PIGK: variants seen among roughly 807,000 people sequenced by gnomAD.
PIGK encodes phosphatidylinositol glycan anchor biosynthesis class K.
In PIGK, 42 loss-of-function variants were observed where a neutral mutation model predicts 50.6. The observed-to-expected ratio is 0.83, with a 90% CI of 0.65 to 1.07. The LOEUF (loss-of-function observed/expected upper bound fraction) is 1.07, where lower values mean the gene tolerates loss of function less well. Among genes scored for constraint, PIGK ranks in the 50% least tolerant of loss-of-function variants. PIGK has a pLI of 0.00. For synonymous variants in PIGK, 151 were observed against 156.0 expected, an observed-to-expected ratio of 0.97 and a Z score of 0.24; for missense variants, 448 against 488.7, an observed-to-expected ratio of 0.92 and a Z score of 0.78.
Position 77,154,485 on chromosome 1 carries a change from A to G in PIGK, c.950T>C (p.Ile317Thr). The change falls in exon 9 of 11, where the codon ATT becomes ACT. Residue 317 changes from isoleucine to threonine, a missense_variant. Transcript: ENST00000370812. The part of the protein sequence containing the change: ...VRKVEITTET[I>T]KLQQDSEIME... The stretch of plus-strand genomic sequence containing the variant: ...GATTTCTGAATCCTGTTGCAATTTA[A>G]TAGTCTCTGTTGTAATTTCCACTTT... The G allele has an allele frequency of 1.2e-6, 2 of 1,611,670 alleles. No homozygotes were observed. Among genetic ancestry groups the G allele is most frequent in the Non-Finnish European group, 1.7e-6 (2 of 1,178,476 alleles).
chr1:77,155,830 G>T lies in PIGK; in HGVS notation c.814-1209C>A, dbSNP rs1461329034. Reference sequence around the variant, plus strand: ...GCAATCACCAATATGAAGGCAGAAAGGTGGAGAAGGGTAGAGCGGCTACAA... The same window carrying T: ...GCAATCACCAATATGAAGGCAGAAATGTGGAGAAGGGTAGAGCGGCTACAA... On this transcript the variant is annotated intron_variant, in intron 8 of 10. Transcript: ENST00000370812. 2.0e-5 allele frequency among the ~76,000 whole-genome samples: 3 copies of T among 152,148 alleles called. No homozygotes were observed. In the East Asian group the frequency reaches 5.8e-4, roughly 29 times the overall value.
chr1:77,116,340 C>A (rs528711510), intron 10 of PIGK, among the ~76,000 whole-genome samples: 4 of 152,090 alleles, frequency 2.6e-5, no homozygotes, highest in South Asian at 4.2e-4. Context: ...CCCACCACCA[C>A]GCCCGGCTAA....
At chr1:77,191,741 A>T (rs1375749587) in intron 3 of PIGK, among the ~76,000 whole-genome samples, 1 of 152,182 alleles carries the variant, frequency 6.6e-6, no homozygotes, top group East Asian at 1.9e-4. Context: ...ATCTTTTGGC[A>T]ATGGCCAGGC....
chr1:77,185,855 C>A (rs1655726410), intron 3 of PIGK, among the ~76,000 whole-genome samples: 1 of 152,230 alleles, frequency 6.6e-6, no homozygotes, highest in African/African-American at 2.4e-5. Context: ...TGGAGCAAGG[C>A]CCTGCCATCT....
At position 77,137,097 on chromosome 1, in the gene PIGK, T is replaced by C. The variant is rs560906590; in HGVS notation, c.987-14738A>G. On this transcript the variant is annotated intron_variant, in intron 9 of 10. Transcript: ENST00000370812. The stretch of plus-strand genomic sequence containing the variant: ...TCTGCACAATAGGATGCAGCAAGAA[T>C]AACAGGGCTCCAGTTTCAAATCTAG... Among the ~76,000 whole-genome samples, 158 of 152,324 alleles carry C rather than the reference T, an allele frequency of 1.0e-3. 1 individual carries two copies. Among genetic ancestry groups the C allele is most frequent in the African/African-American group, 3.6e-3 (149 of 41,582 alleles).
intron 10 of PIGK, among the ~76,000 whole-genome samples, chr1:77,110,692 A>G (rs1653820217): frequency 6.6e-6 from 1 of 152,232 alleles, no homozygotes. Flanking sequence ...TTCAGGACAT[A>G]GGCATGGGCA....
chr1:77,125,121 C>T (rs577091124), intron 9 of PIGK, among the ~76,000 whole-genome samples: 1 of 152,246 alleles, frequency 6.6e-6, no homozygotes, highest in South Asian at 2.1e-4. Flanking sequence ...ATTTTTTTCT[C>T]ACAAAATGTC....
At chr1:77,128,983 G>A (rs1654292581) in intron 9 of PIGK, 1 of 615,990 alleles carries the variant, frequency 1.6e-6, no homozygotes, top group African/African-American at 1.8e-5. Context: ...CACAAAATTT[G>A]AATTTCAGTG....
At chr1:77,195,364 C>A in intron 3 of PIGK, 1 of 1,241,844 alleles carries the variant, frequency 8.1e-7, no homozygotes. Context: ...ACAGGCACTT[C>A]TCCAGGACTA....
At chr1:77,192,300 T>G (rs550084462) in intron 3 of PIGK, among the ~76,000 whole-genome samples, 1 of 106,790 alleles carries the variant, frequency 9.4e-6, no homozygotes, top group East Asian at 2.1e-4. Context: ...GAAATCAAAT[T>G]AATTAGAAGA....
At chr1:77,190,551 A>G (rs1434461284) in intron 3 of PIGK, among the ~76,000 whole-genome samples, 1 of 152,234 alleles carries the variant, frequency 6.6e-6, no homozygotes, top group African/African-American at 2.4e-5. Flanking sequence ...GGCTCTTGAA[A>G]TTCTAAATCA....
At chr1:77,173,819 GAAAC>G (rs1655419913) in intron 3 of PIGK, among the ~76,000 whole-genome samples, 1 of 152,166 alleles carries the variant, frequency 6.6e-6, no homozygotes, top group Admixed American at 6.5e-5. Context: ...GCAGTTCCCT[GAAAC>G]AAACAAAAAA....
At position 77,177,141 on chromosome 1, in the gene PIGK, G is replaced by A. The variant is rs552054814; in HGVS notation, c.240-7746C>T. On this transcript the variant is annotated intron_variant, in intron 3 of 10. Coordinates refer to ENST00000370812, the MANE Select transcript of PIGK (RefSeq NM_005482.3). The stretch of plus-strand genomic sequence containing the variant: ...AGCTCTCCCATCCAAGTGGGCTGAC[G>A]TTATAATGTAGACTATTATGCTACA... 3.3e-5 allele frequency among the ~76,000 whole-genome samples: 5 copies of A among 152,310 alleles called. No individual in the cohort carries two copies. In the South Asian group the frequency reaches 6.2e-4, roughly 19 times the overall value.
chr1:77,219,318 G>T lies in PIGK; in HGVS notation c.85C>A (p.His29Asn). 1 of 1,613,340 alleles carries T rather than the reference G, an allele frequency of 6.2e-7. No homozygotes were observed. Among genetic ancestry groups the T allele is most frequent in the South Asian group, 1.1e-5 (1 of 90,926 alleles). Residue 29 changes from histidine (H) to asparagine (N), a missense_variant, in exon 1 of 11, where the codon CAT becomes AAT. Physicochemically the swap from His to Asn is moderately conservative, Grantham distance 68. Coordinates refer to ENST00000370812, the MANE Select transcript of PIGK (RefSeq NM_005482.3). ...ATGAGCCTGACTCCTACCTCGATAT[G>T]ACTAGCGGCCACGCTGCCGAAGGAC... Reference protein sequence around the residue: ...LLSFGSVAASHIEDQAEQFFR... With the variant: ...LLSFGSVAASNIEDQAEQFFR...
rs1310938820 is a variant in PIGK at position 77,116,387 on chromosome 1, A to G, written c.1071+5888T>C. On this transcript the variant is annotated intron_variant, in intron 10 of 10. Coordinates refer to ENST00000370812, the MANE Select transcript of PIGK (RefSeq NM_005482.3). ...TTTTTAGTAGAGACGGGGTTTCACC[A>G]TGTTAGCCAGGATGGTCTCGATCTC... 6.6e-5 allele frequency among the ~76,000 whole-genome samples: 10 copies of G among 151,816 alleles called. No homozygotes were observed. The East Asian group carries it at 9.7e-4, about 15-fold the overall frequency.
intron 10 of PIGK, among the ~76,000 whole-genome samples, chr1:77,121,573 A>G (rs1654095627): frequency 6.6e-6 from 1 of 152,222 alleles, no homozygotes; most frequent in Admixed American, 6.5e-5. Flanking sequence ...AAACTCTGCC[A>G]TTTAAGGGCT....
chr1:77,160,922 G>A (rs1376913213), intron 8 of PIGK, among the ~76,000 whole-genome samples: 4 of 152,082 alleles, frequency 2.6e-5, no homozygotes, highest in Non-Finnish European at 5.9e-5. Flanking sequence ...ATGTTACCAA[G>A]GAGAAATAAA....
rs754121295 is a variant in PIGK at position 77,210,473 on chromosome 1, A to C, written c.110T>G (p.Phe37Cys). The C allele has an allele frequency of 3.1e-6, 5 of 1,592,538 alleles. No homozygotes were observed. Among genetic ancestry groups the C allele is most frequent in the Non-Finnish European group, 4.3e-6 (5 of 1,166,344 alleles). Reference sequence around the variant, plus strand: ...GTTGTTTGTATGGCCACTTCTAAAGAATTGTTCTGCTTGATCCTAAATAAA... The same window carrying C: ...GTTGTTTGTATGGCCACTTCTAAAGCATTGTTCTGCTTGATCCTAAATAAA... ...ASHIEDQAEQ[F>C]FRSGHTNNWA... Residue 37 changes from phenylalanine (F) to cysteine (C), a missense_variant, in exon 2 of 11, where the codon TTC becomes TGC. By Grantham distance (205) the Phe-to-Cys change is radical. Transcript: ENST00000370812.
intron 3 of PIGK, among the ~76,000 whole-genome samples, chr1:77,185,969 C>T (rs542246067): frequency 1.9e-4 from 29 of 152,328 alleles, no homozygotes; most frequent in African/African-American, 6.7e-4. Context: ...ACCATGCGAC[C>T]TGAACCGCCT....
Sources: allele counts gnomAD v4.1 joint callset (sites outside exome capture counted in the v4.1 genomes callset), GRCh38; gene constraint gnomAD v4.1.1; transcripts MANE v1.5; gene names NCBI Gene and HGNC (gene_info 2026-07-23, HGNC 2026-07-21).